Variants in AGBL4 observed in about 807,000 individuals in gnomAD.
AGBL4 encodes the protein cytosolic carboxypeptidase 6.
A neutral mutation model predicts 66.4 loss-of-function variants in AGBL4; 58 were observed. The observed-to-expected ratio is 0.87, with a 90% confidence interval of 0.71 to 1.09. AGBL4 has a LOEUF of 1.09. Ranked by LOEUF, AGBL4 falls within the 50% of genes least tolerant of loss-of-function variation. The probability of loss-of-function intolerance (pLI) is 0.00; values close to 1 mark genes in which losing one functional copy is unlikely to be tolerated. For missense variants in AGBL4, 579 were observed against 631.0 expected (o/e 0.92, Z 0.88); for synonymous variants, 234 against 222.9 (o/e 1.05, Z -0.44).
At chr1:49,130,279 T>C (rs1313527229) in intron 4 of AGBL4, among the ~76,000 whole-genome samples, 4 of 152,202 alleles carry the variant, frequency 2.6e-5, no homozygotes, top group Non-Finnish European at 4.4e-5. Context: ...TTCACTCTGA[T>C]GGTAGTTTCT....
At chr1:49,962,782 C>T (rs193258255) in intron 1 of AGBL4, among the ~76,000 whole-genome samples, 23 of 152,168 alleles carry the variant, frequency 1.5e-4, no homozygotes, top group Admixed American at 7.2e-4. Flanking sequence ...TATTTGTGAG[C>T]CACTTAAAAT....
At chr1:49,640,552 A>T (rs1311960735) in intron 3 of AGBL4, among the ~76,000 whole-genome samples, 1 of 152,124 alleles carries the variant, frequency 6.6e-6, no homozygotes, top group African/African-American at 2.4e-5. Context: ...CATCTTTTTT[A>T]TGTAGCAGAA....
At chr1:48,749,296 CCT>C (rs1219763425) in intron 6 of AGBL4, among the ~76,000 whole-genome samples, 2 of 152,092 alleles carry the variant, frequency 1.3e-5, no homozygotes, top group Admixed American at 6.6e-5. Flanking sequence ...TTAACAGCTC[CCT>C]GACTAGAACA....
intron 2 of AGBL4, among the ~76,000 whole-genome samples, chr1:49,807,135 T>C (rs995774702): frequency 3.3e-5 from 5 of 152,080 alleles, no homozygotes; most frequent in Non-Finnish European, 5.9e-5. Flanking sequence ...TAGGTCAATG[T>C]CTAGGCTGTA....
intron 4 of AGBL4, among the ~76,000 whole-genome samples, chr1:49,082,222 C>A (rs769633810): frequency 1.3e-5 from 2 of 152,142 alleles, no homozygotes; most frequent in African/African-American, 2.4e-5. Flanking sequence ...TCCTAAGTTA[C>A]AACAAATTTT....
At chr1:49,843,462 T>C (rs1162282319) in intron 2 of AGBL4, among the ~76,000 whole-genome samples, 1 of 152,196 alleles carries the variant, frequency 6.6e-6, no homozygotes, top group Non-Finnish European at 1.5e-5. Context: ...TTTGCATTTT[T>C]CAGCTTCTAG....
At chr1:49,088,290 G>A (rs1368672591) in intron 4 of AGBL4, among the ~76,000 whole-genome samples, 5 of 152,104 alleles carry the variant, frequency 3.3e-5, no homozygotes, top group Non-Finnish European at 5.9e-5. Flanking sequence ...ACAGAGTTGC[G>A]AGTTGCATAA....
chr1:49,251,267 C>T (rs571171158), intron 3 of AGBL4, among the ~76,000 whole-genome samples: 2 of 152,240 alleles, frequency 1.3e-5, no homozygotes, highest in East Asian at 3.9e-4. Flanking sequence ...TCCCCTCGGC[C>T]CAAGGCAACT....
At chr1:49,840,734 T>G (rs1645970206) in intron 2 of AGBL4, among the ~76,000 whole-genome samples, 1 of 152,082 alleles carries the variant, frequency 6.6e-6, no homozygotes, top group Admixed American at 6.5e-5. Context: ...ATGAACAGAA[T>G]TAAAAGCAAA....
chr1:49,889,355 C>T (rs1339336043), intron 1 of AGBL4, among the ~76,000 whole-genome samples: 1 of 152,134 alleles, frequency 6.6e-6, no homozygotes, highest in Non-Finnish European at 1.5e-5. Context: ...AATAAATAAG[C>T]ATTTTCATCA....
At chr1:49,548,046 A>T (rs979861883) in intron 3 of AGBL4, among the ~76,000 whole-genome samples, 3 of 152,178 alleles carry the variant, frequency 2.0e-5, no homozygotes, top group Admixed American at 2.0e-4. Context: ...TGCTGGGATT[A>T]CAGGCATGAG....
intron 1 of AGBL4, among the ~76,000 whole-genome samples, chr1:49,873,803 C>G (rs1646899287): frequency 6.6e-6 from 1 of 151,882 alleles, no homozygotes; most frequent in Non-Finnish European, 1.5e-5. Flanking sequence ...TGCCCTTTAC[C>G]TTGGCAAAAT....
At chr1:49,952,659 A>T (rs1656262100) in intron 1 of AGBL4, among the ~76,000 whole-genome samples, 1 of 151,946 alleles carries the variant, frequency 6.6e-6, no homozygotes, top group Non-Finnish European at 1.5e-5. Context: ...ATAAATGAAA[A>T]CAGGATAGGC....
At chr1:49,231,467 C>A (rs1461602550) in intron 4 of AGBL4, among the ~76,000 whole-genome samples, 2 of 152,184 alleles carry the variant, frequency 1.3e-5, no homozygotes, top group Non-Finnish European at 2.9e-5. Context: ...ACCACCAGCA[C>A]AACTGCCTAG....
chr1:48,929,013 T>C (rs1325929991), intron 5 of AGBL4, among the ~76,000 whole-genome samples: 3 of 152,132 alleles, frequency 2.0e-5, no homozygotes, highest in Non-Finnish European at 2.9e-5. Flanking sequence ...TTAGTTATGC[T>C]ACCTGCTAGG....
intron 8 of AGBL4, among the ~76,000 whole-genome samples, chr1:48,638,486 A>G (rs1040995362): frequency 2.6e-5 from 4 of 152,386 alleles, no homozygotes; most frequent in African/African-American, 9.6e-5. Flanking sequence ...TCAGAAACAC[A>G]TAAACATTGA....
At chr1:49,676,239 T>C (rs773650339) in intron 3 of AGBL4, among the ~76,000 whole-genome samples, 4 of 152,062 alleles carry the variant, frequency 2.6e-5, no homozygotes, top group South Asian at 4.1e-4. Context: ...CATCTGGAAA[T>C]CAATGTTTCC....
intron 6 of AGBL4, among the ~76,000 whole-genome samples, chr1:48,737,501 C>A (rs1021029149): frequency 2.6e-5 from 4 of 152,142 alleles, no homozygotes; most frequent in African/African-American, 9.7e-5. Context: ...CATTTCCCTA[C>A]CTATGAAGTG....
Position 48,653,435 on chromosome 1 carries a change from A to C in AGBL4, c.741T>G (p.Leu247=), listed in dbSNP as rs1161103257. The C allele has an allele frequency of 6.3e-7, 1 of 1,579,466 alleles. No homozygotes were observed. ...CACAGGCAATAGGGTGCTGGCTTAC[A>C]AGGAAGTCAATGATCCCTAGGGAAA... The part of the protein sequence containing the change: ...SFVCQGIIDF[L]VSQHPIACVL... The change falls in exon 8 of 14, where the codon CTT becomes CTG. Residue 247 remains leucine, a synonymous_variant. Coordinates refer to ENST00000371839, the MANE Select transcript of AGBL4 (RefSeq NM_032785.4).
Sources: gnomAD v4.1 joint callset for allele counts (sites outside exome capture counted in the v4.1 genomes callset) on GRCh38, gnomAD v4.1.1 for gene constraint, MANE v1.5 for transcripts, NCBI Gene and HGNC (gene_info 2026-07-23, HGNC 2026-07-21) for gene names.